The following CRACR2A variants were observed in gnomAD, a reference collection of about 807,000 sequenced individuals.
CRACR2A encodes calcium release activated channel regulator 2A.
In CRACR2A, 79 loss-of-function variants were observed where a neutral mutation model predicts 90.5. That is an observed-to-expected ratio of 0.87 (90% CI 0.73 to 1.05). CRACR2A has a LOEUF of 1.05. CRACR2A is among the 50% of genes least tolerant of loss of function. The pLI is 0.00. For synonymous variants in CRACR2A, 338 were observed against 356.7 expected (o/e 0.95, Z 0.59); for missense variants, 823 against 897.2 (o/e 0.92, Z 1.06).
rs191435024 is a variant in CRACR2A at position 3,748,485 on chromosome 12, C to T, written c.-387+4530G>A. ...GCCAGGGCTGGGAGCCAAAACACAC[C>T]GACAAGGGGGATGCTCTGTCTCCTG... On this transcript the variant is annotated intron_variant, in intron 1 of 19. Coordinates refer to ENST00000440314, the MANE Select transcript of CRACR2A (RefSeq NM_001144958.2). Among the ~76,000 whole-genome samples the T allele has an allele frequency of 1.6e-4, 25 of 152,266 alleles. No homozygotes were observed. In the East Asian group the frequency reaches 3.9e-3, roughly 24 times the overall value.
intron 10 of CRACR2A, 72 bp from the exon 11 acceptor site, chr12:3,648,685 G>A: frequency 6.4e-7 from 1 of 1,550,726 alleles, no homozygotes; most frequent in Non-Finnish European, 8.8e-7. Flanking sequence ...TCATGCTGGA[G>A]ACCAGCAGGT....
At chr12:3,668,051 C>T (rs1189780294) in intron 7 of CRACR2A, among the ~76,000 whole-genome samples, 1 of 152,208 alleles carries the variant, frequency 6.6e-6, no homozygotes, top group African/African-American at 2.4e-5. Context: ...TTTTATTAGT[C>T]AGGTTTACAA....
At chr12:3,713,427 G>T in intron 2 of CRACR2A, 110 bp from the exon 3 acceptor site, 2 of 339,274 alleles carry the variant, frequency 5.9e-6, no homozygotes, top group Non-Finnish European at 8.4e-6. Context: ...TGCTCCTACC[G>T]CATTGCAGTG....
intron 2 of CRACR2A, among the ~76,000 whole-genome samples, chr12:3,721,585 CA>C (rs60808773): frequency 0.011 from 1,263 of 113,706 alleles, 10 homozygotes; most frequent in African/African-American, 0.035. Flanking sequence ...AATCATGTCT[CA>C]AAAAAAAAAA....
intron 2 of CRACR2A, among the ~76,000 whole-genome samples, chr12:3,725,436 T>C (rs1384238294): frequency 6.6e-6 from 1 of 152,130 alleles, no homozygotes; most frequent in Non-Finnish European, 1.5e-5. Flanking sequence ...TTGGCCTTCT[T>C]CTCTCTATGT....
chr12:3,672,813 C>T, intron 7 of CRACR2A: 1 of 985,392 alleles, frequency 1.0e-6, no homozygotes, highest in Non-Finnish European at 1.2e-6. Flanking sequence ...TCTAACAATG[C>T]TTGGTCCTGT....
intron 12 of CRACR2A, among the ~76,000 whole-genome samples, chr12:3,643,926 T>G (rs1174218729): frequency 8.3e-6 from 1 of 120,982 alleles, no homozygotes; most frequent in Non-Finnish European, 1.6e-5. Flanking sequence ...ATTATATATA[T>G]ATATATAAAC....
At chr12:3,669,966 T>C (rs554622187) in intron 7 of CRACR2A, among the ~76,000 whole-genome samples, 1 of 152,366 alleles carries the variant, frequency 6.6e-6, no homozygotes, top group Admixed American at 6.5e-5. Context: ...AATTAGAGGC[T>C]ATGCTGCCCA....
chr12:3,691,062 T>A (rs1945641926), intron 4 of CRACR2A, among the ~76,000 whole-genome samples: 1 of 152,186 alleles, frequency 6.6e-6, no homozygotes, highest in African/African-American at 2.4e-5. Context: ...GTGAGATGGG[T>A]CTCTTGAAGA....
At chr12:3,684,786 C>A (rs1007001500) in intron 4 of CRACR2A, among the ~76,000 whole-genome samples, 1 of 152,226 alleles carries the variant, frequency 6.6e-6, no homozygotes. Flanking sequence ...GGCATGCTTG[C>A]GCTTGTGCCC....
At chr12:3,640,451 G>C in intron 13 of CRACR2A, 2 of 1,105,592 alleles carry the variant, frequency 1.8e-6, no homozygotes, top group Non-Finnish European at 2.3e-6. Context: ...ATTTATTTTT[G>C]GAGGCTTTAC....
intron 4 of CRACR2A, among the ~76,000 whole-genome samples, chr12:3,694,563 G>A (rs944637605): frequency 1.2e-4 from 19 of 152,214 alleles, no homozygotes; most frequent in African/African-American, 4.1e-4. Context: ...CCATGTGGAA[G>A]TGACAAGCCA....
chr12:3,629,569 G>T (rs951067890), intron 15 of CRACR2A, among the ~76,000 whole-genome samples: 1 of 152,252 alleles, frequency 6.6e-6, no homozygotes, highest in Non-Finnish European at 1.5e-5. Context: ...CTGCCTGCTG[G>T]TAAGGCTTGC....
Position 3,707,828 on chromosome 12 carries a change from C to T in CRACR2A, c.-37+5409G>A, listed in dbSNP as rs1282261285. On this transcript the variant is annotated intron_variant, in intron 3 of 19. Coordinates refer to ENST00000440314, the MANE Select transcript of CRACR2A (RefSeq NM_001144958.2). ...GGCTTGGTATAACATCCTTTCTTAT[C>T]GTTGTCTATACAATTCTATATATAC... 2.6e-5 allele frequency among the ~76,000 whole-genome samples: 4 copies of T among 152,132 alleles called. No individual in the cohort carries two copies. In the East Asian group the frequency reaches 5.8e-4, roughly 22 times the overall value.
chr12:3,735,538 A>C (rs2137876362), intron 1 of CRACR2A, among the ~76,000 whole-genome samples: 1 of 152,338 alleles, frequency 6.6e-6, no homozygotes, highest in East Asian at 1.9e-4. Flanking sequence ...AGTGTTTGAA[A>C]GTTTTCTGGG....
At chr12:3,728,668 G>A (rs551449749) in intron 2 of CRACR2A, 2 of 152,448 alleles carry the variant, frequency 1.3e-5, no homozygotes, top group African/African-American at 4.8e-5. Context: ...CTAACTCTCA[G>A]GATGAGTGAT....
At chr12:3,680,156 G>T (rs1454955618) in intron 5 of CRACR2A, 82 bp downstream of exon 5, 1 of 1,152,580 alleles carries the variant, frequency 8.7e-7, no homozygotes, top group Non-Finnish European at 1.3e-6. Flanking sequence ...TGCCCCCCAG[G>T]TCTACAAGGG....
At chr12:3,650,140 T>A (rs184263504) in intron 10 of CRACR2A, among the ~76,000 whole-genome samples, 142 of 152,316 alleles carry the variant, frequency 9.3e-4, no homozygotes, top group African/African-American at 3.2e-3. Flanking sequence ...CAGGCGTCAC[T>A]TTCCATGGGC....
chr12:3,619,225 T>C, intron 18 of CRACR2A, 46 bp downstream of exon 18: 1 of 1,498,478 alleles, frequency 6.7e-7, no homozygotes. Flanking sequence ...CCAACTTCCC[T>C]CGGGGTCACA....
Sources: gnomAD v4.1 joint callset for allele counts (sites outside exome capture counted in the v4.1 genomes callset) on GRCh38, gnomAD v4.1.1 for gene constraint, MANE v1.5 for transcripts, NCBI Gene and HGNC (gene_info 2026-07-23, HGNC 2026-07-21) for gene names.